KCNS3: variants seen among roughly 807,000 people sequenced by gnomAD.
The protein encoded by KCNS3 is potassium voltage-gated channel modifier subfamily S member 3.
KCNS3 carries 13 observed loss-of-function variants against 31.0 expected under a neutral mutation model. The ratio of observed to expected loss-of-function variants is 0.42; its 90% CI spans 0.27 to 0.67. The LOEUF (loss-of-function observed/expected upper bound fraction) is 0.67. Among genes scored for constraint, KCNS3 ranks in the 30% least tolerant of loss-of-function variants. KCNS3 has a pLI of 0.25. For missense variants in KCNS3, 545 were observed against 622.4 expected, an observed-to-expected ratio of 0.88 and a Z score of 1.32; for synonymous variants, 238 against 241.5, an observed-to-expected ratio of 0.99 and a Z score of 0.13.
chr2:17,898,022 A>G (rs1198487332), intron 1 of KCNS3, among the ~76,000 whole-genome samples: 1 of 152,176 alleles, frequency 6.6e-6, no homozygotes, highest in East Asian at 1.9e-4. Context: ...GCATATGGTT[A>G]GCCAGTTATC....
chr2:17,923,663 A>G (rs1662772144), intron 2 of KCNS3, among the ~76,000 whole-genome samples: 2 of 152,026 alleles, frequency 1.3e-5, no homozygotes, highest in African/African-American at 2.4e-5. Flanking sequence ...AGTGTGGGAT[A>G]CATATCCAAT....
At chr2:17,929,553 C>T (rs1473528616) in intron 2 of KCNS3, among the ~76,000 whole-genome samples, 1 of 152,208 alleles carries the variant, frequency 6.6e-6, no homozygotes, top group Non-Finnish European at 1.5e-5. Context: ...CGCAGGATCA[C>T]AATTCAACAT....
chr2:17,894,689 G>A (rs74431221), intron 1 of KCNS3, among the ~76,000 whole-genome samples: 4,448 of 152,280 alleles, frequency 0.029, 123 homozygotes, highest in African/African-American at 0.076. Flanking sequence ...ATTTGCTGTG[G>A]AGTGAGAACT....
chr2:17,897,815 T>A (rs1259205286), intron 1 of KCNS3, among the ~76,000 whole-genome samples: 1 of 152,224 alleles, frequency 6.6e-6, no homozygotes, highest in Non-Finnish European at 1.5e-5. Context: ...TTAAAATTAC[T>A]TCTGAGGACT....
chr2:17,893,940 G>GTTTTTTTTTTTTTTTTTT (rs5829612), intron 1 of KCNS3, among the ~76,000 whole-genome samples: 4 of 98,904 alleles, frequency 4.0e-5, no homozygotes, highest in African/African-American at 1.8e-4. Context: ...CCAGGAGCCA[G>GTTTTTTTTTTTTTTTTTT]TTTTTTTTTT....
intron 1 of KCNS3, among the ~76,000 whole-genome samples, chr2:17,909,455 A>ACCCACTGTCCTGCC (rs1247450370): frequency 6.6e-6 from 1 of 152,006 alleles, no homozygotes; most frequent in African/African-American, 2.4e-5. Flanking sequence ...GGTAGGCTGC[A>ACCCACTGTCCTGCC]CCCACTGTCC....
intron 1 of KCNS3, among the ~76,000 whole-genome samples, chr2:17,907,083 T>C (rs561571758): frequency 6.6e-6 from 1 of 152,356 alleles, no homozygotes; most frequent in African/African-American, 2.4e-5. Flanking sequence ...ATTATTAGTG[T>C]GTGGGAGTCT....
At chr2:17,895,767 TTTC>T (rs1662011876) in intron 1 of KCNS3, among the ~76,000 whole-genome samples, 1 of 152,168 alleles carries the variant, frequency 6.6e-6, no homozygotes, top group Non-Finnish European at 1.5e-5. Flanking sequence ...TTTGGACTGA[TTTC>T]TTGAAGACAG....
In KCNS3 at chr2:17,888,629, G is replaced by GTATATCTATATATATATA. The variant is rs35102585; in HGVS notation, c.-252+9828_-252+9829insCTATATATATATATATAT. 7.6e-4 allele frequency among the ~76,000 whole-genome samples: 70 copies of GTATATCTATATATATATA among 92,364 alleles called. 3 individuals carry two copies. Among genetic ancestry groups the GTATATCTATATATATATA allele is most frequent in the Middle Eastern group, 6.2e-3 (1 of 162 alleles). 60.6% of individuals were successfully genotyped at this position (92,364 alleles called of 152,430 possible). On this transcript the variant is annotated intron_variant, in intron 1 of 2. Coordinates refer to ENST00000304101, the MANE Select transcript of KCNS3 (RefSeq NM_002252.5). ...GAACTTAAAGTATAATAAAAAAAATGTATATATATATATATATATATATAT... is the reference window on the plus strand; with the variant it reads ...GAACTTAAAGTATAATAAAAAAAATGTATATCTATATATATATATATATATATATATATATATATATAT...
chr2:17,890,161 T>C (rs1661811269), intron 1 of KCNS3, among the ~76,000 whole-genome samples: 1 of 152,180 alleles, frequency 6.6e-6, no homozygotes, highest in Non-Finnish European at 1.5e-5. Context: ...GAATGTTGTA[T>C]TTTTCCAGGA....
intron 1 of KCNS3, among the ~76,000 whole-genome samples, chr2:17,908,774 G>A (rs1240187492): frequency 1.3e-5 from 2 of 152,210 alleles, no homozygotes; most frequent in African/African-American, 2.4e-5. Flanking sequence ...GCAGAACAGC[G>A]AATATTGCTG....
intron 2 of KCNS3, among the ~76,000 whole-genome samples, chr2:17,921,494 G>A (rs973096106): frequency 6.6e-6 from 1 of 151,898 alleles, no homozygotes; most frequent in Non-Finnish European, 1.5e-5. Context: ...GTATCTAGTT[G>A]GTTTTTGTAC....
In KCNS3 at chr2:17,901,929, C is replaced by G. The variant is rs528826926; in HGVS notation, c.-251-15751C>G. ...GCCCTCCTTCAGCAAGACCGGTGTT[C>G]CCTAGTAGTTACAGTGGCCAGGTGT... On this transcript the variant is annotated intron_variant, in intron 1 of 2. Transcript: ENST00000304101. Among the ~76,000 whole-genome samples the G allele has an allele frequency of 6.6e-5, 10 of 152,252 alleles. No homozygotes were observed. In the South Asian group the frequency reaches 2.1e-3, roughly 32 times the overall value.
At chr2:17,892,118 C>A (rs548174440) in intron 1 of KCNS3, among the ~76,000 whole-genome samples, 1 of 152,096 alleles carries the variant, frequency 6.6e-6, no homozygotes, top group African/African-American at 2.4e-5. Context: ...GCTTTGTTCA[C>A]ATTTTCTTAT....
intron 1 of KCNS3, among the ~76,000 whole-genome samples, chr2:17,909,762 G>C (rs1662427528): frequency 6.6e-6 from 1 of 152,180 alleles, no homozygotes; most frequent in African/African-American, 2.4e-5. Flanking sequence ...CCCTGAATTA[G>C]GATATGGCTC....
At chr2:17,906,850 A>G (rs1402083049) in intron 1 of KCNS3, among the ~76,000 whole-genome samples, 1 of 152,196 alleles carries the variant, frequency 6.6e-6, no homozygotes, top group African/African-American at 2.4e-5. Flanking sequence ...CTGTTCTCTT[A>G]CATTTGCTGA....
intron 2 of KCNS3, 142 bp downstream of exon 2, chr2:17,918,013 A>G (rs1662630492): frequency 6.5e-6 from 1 of 152,710 alleles, no homozygotes; most frequent in Admixed American, 6.5e-5. Context: ...GGGACAGATG[A>G]CTATGGGAAG....
intron 1 of KCNS3, among the ~76,000 whole-genome samples, chr2:17,884,648 T>TG (rs1163987271): frequency 6.6e-6 from 1 of 151,938 alleles, no homozygotes; most frequent in Non-Finnish European, 1.5e-5. Flanking sequence ...AGAGACAGGA[T>TG]GGGTGTAGGG....
At chr2:17,886,768 C>CCATG (rs1258889418) in intron 1 of KCNS3, among the ~76,000 whole-genome samples, 1 of 151,992 alleles carries the variant, frequency 6.6e-6, no homozygotes, top group Non-Finnish European at 1.5e-5. Context: ...ATCCATCCAT[C>CCATG]CATCCATCCA....
Sources: gnomAD v4.1 joint callset for allele counts (sites outside exome capture counted in the v4.1 genomes callset) on GRCh38, gnomAD v4.1.1 for gene constraint, MANE v1.5 for transcripts, NCBI Gene and HGNC (gene_info 2026-07-23, HGNC 2026-07-21) for gene names.